Variants in PLCG2 observed in about 807,000 individuals in gnomAD.
PLCG2 encodes the protein 1-phosphatidylinositol 4,5-bisphosphate phosphodiesterase gamma-2.
PLCG2 carries 69 observed loss-of-function variants against 175.6 expected under a neutral mutation model. The ratio of observed to expected loss-of-function variants is 0.39; its 90% CI spans 0.32 to 0.48. PLCG2 has a LOEUF of 0.48. Among genes scored for constraint, PLCG2 ranks in the 20% least tolerant of loss-of-function variants. PLCG2 has a pLI of 0.91. For missense variants in PLCG2, 1,798 were observed against 1,650.9 expected, an observed-to-expected ratio of 1.09 and a Z score of -1.54; for synonymous variants, 827 against 624.0, an observed-to-expected ratio of 1.33 and a Z score of -4.85.
chr16:81,750,663 A>ATT lies in PLCG2; in HGVS notation c.-144-5186_-144-5185dup, dbSNP rs543220131. On this transcript the variant is annotated intron_variant, in intron 1 of 5. Coordinates refer to the PLCG2 transcript ENST00000565054. ...TTAAAAAGCAGAATGGGGACTGGAG[A>ATT]TTTTTTTTTTTTTTTTTTTTTTGAG... 3.4e-4 allele frequency among the ~76,000 whole-genome samples: 23 copies of ATT among 68,462 alleles called. 5 individuals carry two copies. The highest frequency in any genetic ancestry group is 5.5e-4 in the African/African-American group (11 of 19,860). The allele number at this position is 68,462 out of a possible 152,430, so 44.9% of individuals were successfully genotyped here. A position where few individuals can be genotyped will look rare whatever the true frequency, so the allele number is the denominator to read the frequency against.
chr16:81,945,579 G>T (rs1290103912), intron 30 of PLCG2, among the ~76,000 whole-genome samples: 1 of 152,208 alleles, frequency 6.6e-6, no homozygotes, highest in East Asian at 1.9e-4. Context: ...ACTGAATGGG[G>T]GTGGGGGAGA....
intron 7 of PLCG2, among the ~76,000 whole-genome samples, chr16:81,871,764 A>G (rs1907527419): frequency 6.6e-6 from 1 of 152,136 alleles, no homozygotes; most frequent in Non-Finnish European, 1.5e-5. Context: ...TGTTTTATGA[A>G]AGGGAAAACA....
intron 9 of PLCG2, among the ~76,000 whole-genome samples, chr16:81,884,290 G>T (rs1014507920): frequency 1.3e-5 from 2 of 152,076 alleles, no homozygotes; most frequent in Admixed American, 6.5e-5. Flanking sequence ...GGTAGAGGTT[G>T]CAGTGAGCCG....
At chr16:81,923,217 C>T (rs1910127633) in intron 21 of PLCG2, among the ~76,000 whole-genome samples, 1 of 148,078 alleles carries the variant, frequency 6.8e-6, no homozygotes, top group African/African-American at 2.5e-5. Flanking sequence ...TAAACCCTAG[C>T]CCCAAACCCT....
intron 2 of PLCG2, among the ~76,000 whole-genome samples, chr16:81,760,748 TAA>T (rs1224811220): frequency 1.1e-5 from 1 of 87,898 alleles, no homozygotes; most frequent in African/African-American, 3.5e-5. Flanking sequence ...CCGTCTCTAT[TAA>T]AAAAAAAAAT....
intron 13 of PLCG2, among the ~76,000 whole-genome samples, chr16:81,896,477 C>T (rs1163608272): frequency 6.6e-6 from 1 of 151,164 alleles, no homozygotes; most frequent in Non-Finnish European, 1.5e-5. Flanking sequence ...ACTTGGGAAG[C>T]TGAGGTGGGA....
intron 2 of PLCG2, among the ~76,000 whole-genome samples, chr16:81,830,647 G>GGT (rs58171961): frequency 9.4e-4 from 141 of 149,600 alleles, no homozygotes; most frequent in African/African-American, 1.8e-3. Flanking sequence ...AAATGTGTGG[G>GGT]GTGTGTGTGT....
chr16:81,812,339 G>T lies in PLCG2; in HGVS notation c.193+26157G>T, dbSNP rs149918750. On this transcript the variant is annotated intron_variant, in intron 2 of 32. Coordinates refer to ENST00000564138, the MANE Select transcript of PLCG2 (RefSeq NM_002661.5). The stretch of plus-strand genomic sequence containing the variant: ...GCTGAGATTACAGGCGTGAGCCACC[G>T]CACCCGGCCTGTTGTTTACTGACTT... Among the ~76,000 whole-genome samples the T allele has an allele frequency of 7.6e-3, 1,149 of 152,164 alleles. 20 individuals are homozygous for T. Among genetic ancestry groups the T allele is most frequent in the African/African-American group, 0.024 (1,014 of 41,520 alleles).
At chr16:81,888,194 C>G (rs1298142422) in intron 9 of PLCG2, among the ~76,000 whole-genome samples, 1 of 152,166 alleles carries the variant, frequency 6.6e-6, no homozygotes, top group Non-Finnish European at 1.5e-5. Context: ...CTTGTTTGCA[C>G]AAGCTGCCAC....
chr16:81,860,131 C>G (rs1048849555), intron 5 of PLCG2, among the ~76,000 whole-genome samples: 1 of 143,300 alleles, frequency 7.0e-6, no homozygotes, highest in Non-Finnish European at 1.5e-5. Context: ...TTCACCATGC[C>G]TGGCTTATTT....
At chr16:81,805,772 T>TTTG (rs1567473540) in intron 2 of PLCG2, among the ~76,000 whole-genome samples, 8 of 60,756 alleles carry the variant, frequency 1.3e-4, no homozygotes, top group African/African-American at 4.8e-4. Flanking sequence ...GTTTTGTTTT[T>TTTG]TTTTTTTTTT....
intron 31 of PLCG2, among the ~76,000 whole-genome samples, chr16:81,947,274 TTG>T (rs1487266505): frequency 6.6e-6 from 1 of 152,186 alleles, no homozygotes; most frequent in Admixed American, 6.5e-5. Flanking sequence ...GCCAGGGGCG[TTG>T]TGTGGGGTTC....
In PLCG2 at chr16:81,753,753, T is replaced by C. The variant is rs182637111; in HGVS notation, c.-144-2117T>C. Among the ~76,000 whole-genome samples, 590 of 152,246 alleles carry C rather than the reference T, an allele frequency of 3.9e-3. 22 individuals carry two copies. The highest frequency in any genetic ancestry group is 0.035 in the Admixed American group (529 of 15,288). On this transcript the variant is annotated intron_variant, in intron 1 of 5. Coordinates refer to the PLCG2 transcript ENST00000565054. ...GATGAGGGAACCAGGAGGTGACAGA[T>C]GCCACAGCCACTAATGCAGATGCCA...
chr16:81,880,091 A>C (rs1276923007), intron 7 of PLCG2, among the ~76,000 whole-genome samples: 1 of 152,190 alleles, frequency 6.6e-6, no homozygotes, highest in African/African-American at 2.4e-5. Flanking sequence ...AAGAAAAAAT[A>C]TTAGCCGGGC....
intron 1 of PLCG2, among the ~76,000 whole-genome samples, chr16:81,782,150 A>G (rs891981816): frequency 2.6e-5 from 4 of 152,166 alleles, no homozygotes; most frequent in Admixed American, 2.6e-4. Context: ...TGCTGGAATT[A>G]CAGTCATAAG....
intron 2 of PLCG2, among the ~76,000 whole-genome samples, chr16:81,840,926 C>T (rs573243709): frequency 3.3e-4 from 51 of 152,312 alleles, no homozygotes; most frequent in African/African-American, 1.2e-3. Flanking sequence ...CCCTTCCTCC[C>T]TTGGGGATGG....
intron 2 of PLCG2, among the ~76,000 whole-genome samples, chr16:81,827,165 C>G (rs898818040): frequency 1.3e-5 from 2 of 150,426 alleles, no homozygotes; most frequent in Non-Finnish European, 2.9e-5. Context: ...CATGGTTAAT[C>G]TCATACATTA....
intron 2 of PLCG2, among the ~76,000 whole-genome samples, chr16:81,816,049 A>T (rs1475100248): frequency 8.3e-6 from 1 of 120,710 alleles, no homozygotes; most frequent in Non-Finnish European, 1.8e-5. Context: ...GTGACAGAGC[A>T]TGACTTCATC....
At chr16:81,825,656 A>G (rs1389135176) in intron 2 of PLCG2, among the ~76,000 whole-genome samples, 2 of 152,184 alleles carry the variant, frequency 1.3e-5, no homozygotes, top group South Asian at 2.1e-4. Context: ...TTGCAGTTTA[A>G]TTGTAACTTT....
Sources: gnomAD v4.1 joint callset for allele counts (sites outside exome capture counted in the v4.1 genomes callset) on GRCh38, gnomAD v4.1.1 for gene constraint, MANE v1.5 for transcripts, NCBI Gene and HGNC (gene_info 2026-07-23, HGNC 2026-07-21) for gene names.